The following SLC24A2 variants were observed in gnomAD, a reference collection of about 807,000 sequenced individuals.
SLC24A2 encodes solute carrier family 24 member 2, also known as sodium/potassium/calcium exchanger 2.
SLC24A2 carries 36 observed loss-of-function variants against 62.0 expected under a neutral mutation model. That is an observed-to-expected ratio of 0.58 (90% CI 0.44 to 0.77). SLC24A2 has a LOEUF of 0.77. Ranked by LOEUF, SLC24A2 falls within the 30% of genes least tolerant of loss-of-function variation. The probability of loss-of-function intolerance (pLI) is 0.00; values close to 1 mark genes in which losing one functional copy is unlikely to be tolerated. For synonymous variants in SLC24A2, 358 were observed against 294.0 expected (o/e 1.22, Z -2.23); for missense variants, 846 against 817.9 (o/e 1.03, Z -0.42).
the SLC24A2 span, among the ~76,000 whole-genome samples, chr9:19,803,401 G>GTAT: frequency 6.6e-6 from 1 of 152,112 alleles, no homozygotes; most frequent in African/African-American, 2.4e-5. Flanking sequence ...ATCTATAAAA[G>GTAT]TATTTTGTTG....
At chr9:20,250,538 A>C in the SLC24A2 span, among the ~76,000 whole-genome samples, 1 of 152,118 alleles carries the variant, frequency 6.6e-6, no homozygotes, top group Admixed American at 6.6e-5. Flanking sequence ...AAGAATGAAA[A>C]CTCAAATCTT....
At chr9:19,920,426 A>G in the SLC24A2 span, among the ~76,000 whole-genome samples, 1 of 152,182 alleles carries the variant, frequency 6.6e-6, no homozygotes, top group Non-Finnish European at 1.5e-5. Flanking sequence ...AGTCCCCCAG[A>G]TGTAGACCCT....
At chr9:19,871,964 T>C in the SLC24A2 span, among the ~76,000 whole-genome samples, 4 of 152,120 alleles carry the variant, frequency 2.6e-5, no homozygotes, top group African/African-American at 9.7e-5. Flanking sequence ...TGTGGTCTTC[T>C]TTGGTTTGGT....
the SLC24A2 span, among the ~76,000 whole-genome samples, chr9:19,801,562 G>A: frequency 0.024 from 3,716 of 152,298 alleles, 164 homozygotes; most frequent in African/African-American, 0.085. Flanking sequence ...GAGGGTAGCC[G>A]CTGCCAGCTC....
intron 2 of SLC24A2, among the ~76,000 whole-genome samples, chr9:19,690,912 TGC>T (rs879906868): frequency 0.19 from 24,543 of 132,060 alleles, 2,167 homozygotes; most frequent in Middle Eastern, 0.25. Context: ...ATTGTGTGTG[TGC>T]GTGTGAGAGA....
At chr9:19,835,571 T>C in the SLC24A2 span, among the ~76,000 whole-genome samples, 14 of 152,170 alleles carry the variant, frequency 9.2e-5, no homozygotes, top group African/African-American at 3.4e-4. Flanking sequence ...CCCAGATTCA[T>C]AAAGCAAGTC....
intron 2 of SLC24A2, among the ~76,000 whole-genome samples, chr9:19,685,532 AAC>A (rs1302021099): frequency 3.3e-5 from 5 of 152,190 alleles, no homozygotes; most frequent in African/African-American, 1.2e-4. Flanking sequence ...TACAGTAACC[AAC>A]ACAGAATGGT....
rs1035045399 is a variant in SLC24A2 at position 19,508,453 on chromosome 9, G to T, written c.*7700C>A. On this transcript the variant is annotated 3_prime_UTR_variant, in exon 11 of 11. Transcript: ENST00000341998. ...GACAATTTAGGTACCCAGTTCTGGT[G>T]GATTTCTAGACTATTAAGTGCTTTT... The T allele has an allele frequency of 2.0e-4, 31 of 152,188 alleles. No individual in the cohort carries two copies. Among genetic ancestry groups the T allele is most frequent in the African/African-American group, 7.0e-4 (29 of 41,512 alleles). The allele number at this position is 152,188 out of a possible 1,614,324, so 9.4% of individuals were successfully genotyped here.
the SLC24A2 span, among the ~76,000 whole-genome samples, chr9:19,947,114 C>T: frequency 4.6e-5 from 7 of 152,208 alleles, no homozygotes; most frequent in African/African-American, 9.6e-5. Context: ...GTGAGATGGT[C>T]GAGCTGTTCA....
the SLC24A2 span, among the ~76,000 whole-genome samples, chr9:20,300,914 C>T: frequency 1.3e-5 from 2 of 152,270 alleles, no homozygotes; most frequent in South Asian, 2.1e-4. Flanking sequence ...GTTGCAAACC[C>T]TTTTGTCATC....
chr9:19,899,741 T>A, the SLC24A2 span, among the ~76,000 whole-genome samples: 1 of 152,158 alleles, frequency 6.6e-6, no homozygotes, highest in African/African-American at 2.4e-5. Context: ...CTTACAATCA[T>A]GGCAGAAGAG....
chr9:20,147,560 T>A, the SLC24A2 span, among the ~76,000 whole-genome samples: 2 of 152,140 alleles, frequency 1.3e-5, no homozygotes, highest in African/African-American at 4.8e-5. Flanking sequence ...CCAATGTAGA[T>A]ATGCCGTAAA....
At chr9:19,743,319 TA>T (rs755032930) in intron 2 of SLC24A2, among the ~76,000 whole-genome samples, 1 of 152,204 alleles carries the variant, frequency 6.6e-6, no homozygotes, top group Non-Finnish European at 1.5e-5. Context: ...TAATCCACCT[TA>T]TAAATTATAG....
chr9:20,297,729 C>T, the SLC24A2 span, among the ~76,000 whole-genome samples: 1 of 152,350 alleles, frequency 6.6e-6, no homozygotes, highest in East Asian at 1.9e-4. Flanking sequence ...AGGCTGAGCA[C>T]AGTCCAAATA....
chr9:20,190,586 GA>G, the SLC24A2 span, among the ~76,000 whole-genome samples: 1 of 152,150 alleles, frequency 6.6e-6, no homozygotes, highest in Non-Finnish European at 1.5e-5. Context: ...AGAGAAAAGT[GA>G]GGCTCAGAAA....
At chr9:19,695,836 A>G in intron 2 of SLC24A2, among the ~76,000 whole-genome samples, 1 of 152,298 alleles carries the variant, frequency 6.6e-6, no homozygotes, top group East Asian at 1.9e-4. Flanking sequence ...TACACTTCAT[A>G]AATATAATAT....
the SLC24A2 span, among the ~76,000 whole-genome samples, chr9:20,236,635 T>C: frequency 9.2e-5 from 14 of 152,156 alleles, no homozygotes; most frequent in Non-Finnish European, 2.1e-4. Context: ...GACCAGCAAA[T>C]GCTGAATTTA....
rs1832836044 is a variant in SLC24A2, at chr9:19,514,046, T to C, written c.*2107A>G. On this transcript the variant is annotated 3_prime_UTR_variant, in exon 11 of 11. Transcript: ENST00000341998. ...CCCAATCTGCCGAGTTGGAGAGACT[T>C]GAAAGCCAGCCTCCGACTGGCAGCC... The C allele has an allele frequency of 6.6e-6, 1 of 152,202 alleles. No individual in the cohort carries two copies. The highest frequency in any genetic ancestry group is 2.4e-5 in the African/African-American group (1 of 41,448). The allele number at this position is 152,202 out of a possible 1,614,324, so 9.4% of individuals were successfully genotyped here.
chr9:19,922,614 C>G, the SLC24A2 span, among the ~76,000 whole-genome samples: 2 of 152,150 alleles, frequency 1.3e-5, no homozygotes, highest in Non-Finnish European at 2.9e-5. Flanking sequence ...TAACCTCTGC[C>G]TGCTTCACAG....
Sources: allele counts gnomAD v4.1 joint callset (sites outside exome capture counted in the v4.1 genomes callset), GRCh38; gene constraint gnomAD v4.1.1; transcripts MANE v1.5; gene names NCBI Gene and HGNC (gene_info 2026-07-23, HGNC 2026-07-21).